The following RNFT2 variants were observed in gnomAD, a reference collection of about 807,000 sequenced individuals.
The protein encoded by RNFT2 is E3 ubiquitin-protein ligase RNFT2.
RNFT2 carries 36 observed loss-of-function variants against 53.0 expected under a neutral mutation model. That is an observed-to-expected ratio of 0.68 (90% CI 0.52 to 0.90). The LOEUF is 0.90. RNFT2 is among the 40% of genes least tolerant of loss of function. RNFT2 has a pLI of 0.00. For synonymous variants in RNFT2, 260 were observed against 253.2 expected (o/e 1.03, Z -0.26); for missense variants, 514 against 585.6 (o/e 0.88, Z 1.26).
intron 7 of RNFT2, among the ~76,000 whole-genome samples, chr12:116,820,795 C>T (rs761103894): frequency 6.6e-6 from 1 of 152,152 alleles, no homozygotes; most frequent in African/African-American, 2.4e-5. Context: ...CTCTCCTCAC[C>T]AGTTAACAGG....
In RNFT2 at chr12:116,851,788, A is replaced by G. The variant is rs1269640628; in HGVS notation, c.*2340A>G. On this transcript the variant is annotated 3_prime_UTR_variant, in exon 11 of 11. Transcript: ENST00000257575. Reference sequence around the variant, plus strand: ...GAAGGGAGGGAGGGAGGAAGGAAGGAAGGAAGGAAAGAAAGAAAGGTCAGC... The same window carrying G: ...GAAGGGAGGGAGGGAGGAAGGAAGGGAGGAAGGAAAGAAAGAAAGGTCAGC... 1 of 844,200 alleles carries G rather than the reference A, an allele frequency of 1.2e-6. No homozygotes were observed. The highest frequency in any genetic ancestry group is 1.4e-5 in the South Asian group (1 of 69,880). The allele number at this position is 844,200 out of a possible 1,614,324, so 52.3% of individuals were successfully genotyped here.
intron 7 of RNFT2, among the ~76,000 whole-genome samples, chr12:116,812,881 C>T (rs1339551074): frequency 1.3e-5 from 2 of 152,088 alleles, no homozygotes; most frequent in Non-Finnish European, 2.9e-5. Context: ...CCAAGAGTTT[C>T]AGTACCTTGT....
At chr12:116,750,851 A>AAT (rs1555258794) in intron 4 of RNFT2, among the ~76,000 whole-genome samples, 48 of 105,516 alleles carry the variant, frequency 4.5e-4, no homozygotes, top group African/African-American at 1.8e-3. Flanking sequence ...ATATATATAT[A>AAT]ATATATATTA....
intron 7 of RNFT2, among the ~76,000 whole-genome samples, chr12:116,829,359 T>C (rs998351964): frequency 6.6e-6 from 1 of 152,030 alleles, no homozygotes; most frequent in African/African-American, 2.4e-5. Flanking sequence ...TTCCCAAAAG[T>C]TCCAGAGGGA....
At chr12:116,811,202 C>T (rs1459046071) in intron 7 of RNFT2, among the ~76,000 whole-genome samples, 1 of 151,634 alleles carries the variant, frequency 6.6e-6, no homozygotes, top group East Asian at 1.9e-4. Flanking sequence ...CCCAAGAGTT[C>T]AAGTCCAGGT....
At chr12:116,758,568 C>T (rs1055625756) in intron 5 of RNFT2, among the ~76,000 whole-genome samples, 4 of 152,082 alleles carry the variant, frequency 2.6e-5, no homozygotes, top group African/African-American at 9.7e-5. Flanking sequence ...TGGGTGAATT[C>T]TCTTAGCATT....
chr12:116,763,991 A>T (rs1405612186), intron 5 of RNFT2, among the ~76,000 whole-genome samples: 1 of 152,178 alleles, frequency 6.6e-6, no homozygotes, highest in African/African-American at 2.4e-5. Context: ...AGAAACTGGT[A>T]TATGTATATG....
intron 10 of RNFT2, among the ~76,000 whole-genome samples, chr12:116,841,446 C>T (rs575347746): frequency 6.6e-6 from 1 of 151,750 alleles, no homozygotes; most frequent in South Asian, 2.1e-4. Flanking sequence ...GAGGGAGACC[C>T]TGTCTCAAAA....
Position 116,796,894 on chromosome 12 carries a change from G to C in RNFT2, c.882+17546G>C, listed in dbSNP as rs111718517. ...TGGTTCCAACTACCCACACACAGGGGCTGGAAGAAGGTTAAGTAGTGATTC... is the reference window on the plus strand; with the variant it reads ...TGGTTCCAACTACCCACACACAGGGCCTGGAAGAAGGTTAAGTAGTGATTC... On this transcript the variant is annotated intron_variant, in intron 7 of 10. Coordinates refer to ENST00000257575, the MANE Select transcript of RNFT2 (RefSeq NM_001382266.1). 9.0e-3 allele frequency among the ~76,000 whole-genome samples: 1,371 copies of C among 152,336 alleles called. 22 individuals carry two copies. The highest frequency in any genetic ancestry group is 0.032 in the African/African-American group (1,315 of 41,582).
In RNFT2 at chr12:116,833,851, C is replaced by G. The variant is rs1373979830; in HGVS notation, c.942C>G (p.Ile314Met). Reference protein sequence around the residue: ...LSQLFRSLVPIQLWYKYIMGD... With the variant: ...LSQLFRSLVPMQLWYKYIMGD... ...AGCTGTTCCGATCCCTTGTCCCCAT[C>G]CAGCTGTGGTACAAATACATCATGG... The change falls in exon 8 of 11, where the codon ATC (isoleucine) becomes ATG (methionine). Residue 314 changes from isoleucine to methionine, a missense_variant. By Grantham distance (10) the Ile-to-Met change is conservative. Around this residue, in one of 3 missense-constraint regions of RNFT2, gnomAD observed 273 missense variants for 334.4 expected, o/e 0.82. Coordinates refer to ENST00000257575, the MANE Select transcript of RNFT2 (RefSeq NM_001382266.1). 4 of 1,613,498 alleles carry G rather than the reference C, an allele frequency of 2.5e-6. No individual in the cohort carries two copies. The highest frequency in any genetic ancestry group is 3.4e-6 in the Non-Finnish European group (4 of 1,179,650).
At chr12:116,846,466 C>CATGGGG (rs1160098186) in intron 10 of RNFT2, among the ~76,000 whole-genome samples, 1 of 72,204 alleles carries the variant, frequency 1.4e-5, no homozygotes, top group Non-Finnish European at 2.8e-5. Context: ...ACATATGGGG[C>CATGGGG]ATGGGGGTGG....
intron 4 of RNFT2, among the ~76,000 whole-genome samples, chr12:116,750,818 A>T (rs1463565306): frequency 2.0e-4 from 1 of 5,086 alleles, no homozygotes; most frequent in Non-Finnish European, 9.2e-4. Flanking sequence ...TAATATATAT[A>T]TTATATATAT....
intron 6 of RNFT2, among the ~76,000 whole-genome samples, chr12:116,772,042 T>G (rs1566076615): frequency 6.6e-6 from 1 of 152,158 alleles, no homozygotes; most frequent in Non-Finnish European, 1.5e-5. Context: ...TATACAATGC[T>G]GTCCCATAGT....
chr12:116,747,841 C>T (rs188816680), intron 3 of RNFT2, among the ~76,000 whole-genome samples: 45 of 152,172 alleles, frequency 3.0e-4, no homozygotes, highest in African/African-American at 2.9e-4. Context: ...ACATCGGCTC[C>T]GCTTGCATCT....
intron 7 of RNFT2, among the ~76,000 whole-genome samples, chr12:116,802,658 G>A (rs1874853873): frequency 6.6e-6 from 1 of 152,186 alleles, no homozygotes; most frequent in South Asian, 2.1e-4. Flanking sequence ...GTCTCCAGAG[G>A]GAATGTGGCC....
At position 116,852,399 on chromosome 12, in the gene RNFT2, T is replaced by C. The variant is rs1200696098; in HGVS notation, c.*2951T>C. The C allele has an allele frequency of 1.2e-5, 16 of 1,335,472 alleles. No individual in the cohort carries two copies. The highest frequency in any genetic ancestry group is 1.4e-5 in the Non-Finnish European group (15 of 1,041,004). The allele number at this position is 1,335,472 out of a possible 1,614,324, so 82.7% of individuals were successfully genotyped here. On this transcript the variant is annotated 3_prime_UTR_variant, in exon 11 of 11. Transcript: ENST00000257575. ...GACTTTCCCCTTGGCTTGGCATCCC[T>C]GGCTCTCTCCTGGTACCCAGCAAGA... is the stretch of plus-strand genomic sequence containing the variant.
chr12:116,796,459 A>G (rs1288546294), intron 7 of RNFT2, among the ~76,000 whole-genome samples: 3 of 152,186 alleles, frequency 2.0e-5, no homozygotes, highest in Non-Finnish European at 4.4e-5. Flanking sequence ...ATCCCTGGAC[A>G]AGAGGTTCCA....
At chr12:116,843,585 C>T (rs1476424946) in intron 10 of RNFT2, among the ~76,000 whole-genome samples, 7 of 151,948 alleles carry the variant, frequency 4.6e-5, no homozygotes, top group South Asian at 2.1e-4. Flanking sequence ...TCAATCCACC[C>T]GATCCTATCC....
chr12:116,825,743 ATATGTATGTGTG>A (rs1211905290), intron 7 of RNFT2, among the ~76,000 whole-genome samples: 14 of 152,142 alleles, frequency 9.2e-5, no homozygotes, highest in Admixed American at 2.0e-4. Flanking sequence ...ATGCATATCT[ATATGTATGTGTG>A]TATGTATGTG....
Sources: allele counts gnomAD v4.1 joint callset (sites outside exome capture counted in the v4.1 genomes callset), GRCh38; gene constraint gnomAD v4.1.1; regional missense constraint gnomAD v4.1.1; transcripts MANE v1.5; gene names NCBI Gene and HGNC (gene_info 2026-07-23, HGNC 2026-07-21).